CCDC178: variants seen among roughly 807,000 people sequenced by gnomAD.
CCDC178 encodes the protein coiled-coil domain-containing protein 178.
A neutral mutation model predicts 117.4 loss-of-function variants in CCDC178; 126 were observed. That is an observed-to-expected ratio of 1.07 (90% CI 0.93 to 1.24). The LOEUF (loss-of-function observed/expected upper bound fraction) is 1.24. CCDC178 is among the 50% of genes most tolerant of loss of function. CCDC178 has a pLI of 0.00. For synonymous variants in CCDC178, 283 were observed against 313.4 expected (o/e 0.90, Z 1.02); for missense variants, 1,030 against 986.9 (o/e 1.04, Z -0.59).
At chr18:33,253,918 T>A (rs2059646407) in intron 14 of CCDC178, among the ~76,000 whole-genome samples, 2 of 151,850 alleles carry the variant, frequency 1.3e-5, no homozygotes, top group Non-Finnish European at 2.9e-5. Flanking sequence ...TTAAATAAAT[T>A]GAGGGTAATA....
intron 21 of CCDC178, among the ~76,000 whole-genome samples, chr18:33,038,016 T>C (rs766073348): frequency 1.3e-4 from 19 of 151,958 alleles, no homozygotes; most frequent in Non-Finnish European, 1.0e-4. Flanking sequence ...GGCACTTTAA[T>C]TATTGCAAAT....
At chr18:33,087,021 T>C (rs1042087916) in intron 21 of CCDC178, among the ~76,000 whole-genome samples, 3 of 140,378 alleles carry the variant, frequency 2.1e-5, no homozygotes, top group Non-Finnish European at 4.6e-5. Context: ...CACAACAAAA[T>C]AGCCATTGGT....
intron 21 of CCDC178, among the ~76,000 whole-genome samples, chr18:33,038,402 C>T (rs73415477): frequency 0.096 from 14,547 of 151,872 alleles, 1,041 homozygotes; most frequent in African/African-American, 0.19. Context: ...AAATATTGGT[C>T]CCTATTTCAC....
intron 14 of CCDC178, among the ~76,000 whole-genome samples, chr18:33,246,963 A>C (rs929788297): frequency 6.6e-6 from 1 of 151,878 alleles, no homozygotes; most frequent in Non-Finnish European, 1.5e-5. Context: ...GTTAATTGGG[A>C]CCAAGTAGGG....
chr18:33,346,328 G>C lies in CCDC178; in HGVS notation c.541C>G (p.Arg181Gly), dbSNP rs141279050. 4 of 1,612,938 alleles carry C rather than the reference G, an allele frequency of 2.5e-6. No homozygotes were observed. The highest frequency in any genetic ancestry group is 2.5e-6 in the Non-Finnish European group (3 of 1,179,286). Reference sequence around the variant, plus strand: ...TTTAAAGCTTCTTCAGCGTCTGCCCGGTCAGTTTCTAGACTTTTAATGAGA... The same window carrying C: ...TTTAAAGCTTCTTCAGCGTCTGCCCCGTCAGTTTCTAGACTTTTAATGAGA... The part of the protein sequence containing the change: ...IRLIKSLETD[R>G]ADAEEALKQQ... Residue 181 changes from arginine to glycine, a missense_variant, in exon 9 of 23, where the codon CGG becomes GGG. Coordinates refer to ENST00000383096, the MANE Select transcript of CCDC178 (RefSeq NM_001105528.4).
At chr18:33,271,960 A>C (rs913059705) in intron 12 of CCDC178, among the ~76,000 whole-genome samples, 5 of 151,548 alleles carry the variant, frequency 3.3e-5, no homozygotes, top group Admixed American at 3.3e-4. Context: ...ACATTAAAGA[A>C]GTTCTTATGT....
chr18:33,141,067 C>T (rs908746372), intron 20 of CCDC178, among the ~76,000 whole-genome samples: 3 of 152,120 alleles, frequency 2.0e-5, no homozygotes, highest in Non-Finnish European at 4.4e-5. Context: ...TGACTTGCTC[C>T]TCCTTGCCTT....
At chr18:33,305,139 T>C (rs2062230637) in intron 11 of CCDC178, among the ~76,000 whole-genome samples, 1 of 152,338 alleles carries the variant, frequency 6.6e-6, no homozygotes, top group South Asian at 2.1e-4. Flanking sequence ...ACCCAGCATC[T>C]GAACTAGATA....
At chr18:33,355,509 T>G (rs887133802) in intron 7 of CCDC178, among the ~76,000 whole-genome samples, 2 of 152,270 alleles carry the variant, frequency 1.3e-5, no homozygotes, top group African/African-American at 2.4e-5. Flanking sequence ...TTCCTGCCCA[T>G]GCAGATCCTA....
intron 21 of CCDC178, among the ~76,000 whole-genome samples, chr18:33,059,778 A>G (rs2056892966): frequency 6.6e-6 from 1 of 152,164 alleles, no homozygotes; most frequent in Non-Finnish European, 1.5e-5. Context: ...GTCCATCGAT[A>G]TATTTCTTCA....
intron 7 of CCDC178, among the ~76,000 whole-genome samples, chr18:33,352,142 A>C (rs143413942): frequency 1.3e-3 from 198 of 152,216 alleles, no homozygotes; most frequent in African/African-American, 4.7e-3. Flanking sequence ...TTCCTGAGAC[A>C]GTTTTAGTAG....
chr18:33,336,402 C>T (rs1334171676), intron 9 of CCDC178, among the ~76,000 whole-genome samples: 1 of 152,070 alleles, frequency 6.6e-6, no homozygotes, highest in Non-Finnish European at 1.5e-5. Context: ...ACACTGATGT[C>T]TATTTACTTC....
At chr18:33,430,985 G>A (rs1385292518) in intron 2 of CCDC178, among the ~76,000 whole-genome samples, 1 of 150,632 alleles carries the variant, frequency 6.6e-6, no homozygotes, top group Admixed American at 6.6e-5. Flanking sequence ...TGAGGCAGGA[G>A]AATGGCGTGA....
chr18:33,046,564 C>T (rs947820498), intron 21 of CCDC178, among the ~76,000 whole-genome samples: 1 of 151,910 alleles, frequency 6.6e-6, no homozygotes, highest in African/African-American at 2.4e-5. Flanking sequence ...CTCAATGTTC[C>T]TACTTAACAT....
chr18:33,335,157 CTTCT>C (rs1044458528), intron 9 of CCDC178, among the ~76,000 whole-genome samples: 9 of 151,758 alleles, frequency 5.9e-5, no homozygotes, highest in Admixed American at 1.3e-4. Flanking sequence ...TGGGTTTCTC[CTTCT>C]TTCTTTGTAT....
intron 22 of CCDC178, among the ~76,000 whole-genome samples, chr18:32,939,540 A>G (rs1308027284): frequency 1.3e-5 from 2 of 152,172 alleles, no homozygotes; most frequent in Non-Finnish European, 2.9e-5. Context: ...TTAATGGGCT[A>G]GGAATGAATT....
At chr18:33,437,349 T>G (rs2064306386) in intron 2 of CCDC178, among the ~76,000 whole-genome samples, 1 of 152,238 alleles carries the variant, frequency 6.6e-6, no homozygotes, top group Admixed American at 6.5e-5. Flanking sequence ...CTAATTTCCA[T>G]GCAAACTATA....
At chr18:33,426,153 C>A (rs1326050089) in intron 2 of CCDC178, among the ~76,000 whole-genome samples, 1 of 152,190 alleles carries the variant, frequency 6.6e-6, no homozygotes, top group Non-Finnish European at 1.5e-5. Flanking sequence ...TCGTGATCCG[C>A]CCACCTCAGG....
intron 14 of CCDC178, among the ~76,000 whole-genome samples, chr18:33,255,793 T>C (rs2059672499): frequency 6.6e-6 from 1 of 151,974 alleles, no homozygotes; most frequent in South Asian, 2.1e-4. Context: ...CTGAGATTAG[T>C]ACCCTAAACT....
Sources: gnomAD v4.1 joint callset for allele counts (sites outside exome capture counted in the v4.1 genomes callset) on GRCh38, gnomAD v4.1.1 for gene constraint, MANE v1.5 for transcripts, NCBI Gene and HGNC (gene_info 2026-07-23, HGNC 2026-07-21) for gene names.